Variants in IL1RAPL2 observed in about 807,000 individuals in gnomAD.
IL1RAPL2 encodes the protein X-linked interleukin-1 receptor accessory protein-like 2.
In IL1RAPL2, 3 loss-of-function variants were observed where a neutral mutation model predicts 44.1. The ratio of observed to expected loss-of-function variants is 0.07; its 90% CI spans 0.03 to 0.18. The LOEUF (loss-of-function observed/expected upper bound fraction) is 0.18. Ranked by LOEUF, IL1RAPL2 falls within the 10% of genes least tolerant of loss-of-function variation. IL1RAPL2 has a pLI of 1.00. For missense variants in IL1RAPL2, 391 were observed against 496.4 expected (o/e 0.79, Z 2.02); for synonymous variants, 181 against 178.8 (o/e 1.01, Z -0.10).
intron 5 of IL1RAPL2, among the ~76,000 whole-genome samples, chrX:105,387,480 G>T (rs113558986): frequency 1.8e-5 from 2 of 109,663 alleles, no homozygotes; most frequent in African/African-American, 3.3e-5. Flanking sequence ...TGATCCACCC[G>T]CCTCGGCCTC....
At chrX:105,368,804 A>G (rs1394929780) in intron 5 of IL1RAPL2, among the ~76,000 whole-genome samples, 2 of 110,631 alleles carry the variant, frequency 1.8e-5, no homozygotes, top group African/African-American at 6.6e-5. Context: ...TCCTTCGGGT[A>G]CACTGAAAAT....
At chrX:105,661,307 A>G (rs1035540121) in intron 6 of IL1RAPL2, among the ~76,000 whole-genome samples, 7 of 112,172 alleles carry the variant, frequency 6.2e-5, no homozygotes. Context: ...ACAGAGATAC[A>G]GCCTCATGCA....
intron 2 of IL1RAPL2, among the ~76,000 whole-genome samples, chrX:105,161,132 C>T (rs1220548659): frequency 9.1e-6 from 1 of 110,301 alleles, no homozygotes; most frequent in East Asian, 2.9e-4. Context: ...GTCTCAGCTA[C>T]TCAAGAAGCT....
chrX:105,312,992 G>A (rs1207229435), intron 5 of IL1RAPL2, among the ~76,000 whole-genome samples: 3 of 111,742 alleles, frequency 2.7e-5, no homozygotes, highest in Non-Finnish European at 3.8e-5. Flanking sequence ...AAAATAATGG[G>A]AAAGTAGAAT....
chrX:105,121,010 G>A (rs1187896506), intron 2 of IL1RAPL2, among the ~76,000 whole-genome samples: 1 of 111,413 alleles, frequency 9.0e-6, no homozygotes, highest in Non-Finnish European at 1.9e-5. Flanking sequence ...ACCATGGGAG[G>A]TGTCAAATGC....
chrX:104,634,537 G>T (rs1330997797), intron 1 of IL1RAPL2, among the ~76,000 whole-genome samples: 6 of 111,827 alleles, frequency 5.4e-5, no homozygotes, highest in Non-Finnish European at 1.1e-4. Flanking sequence ...CCTGTGCTGG[G>T]TGCATATATA....
intron 5 of IL1RAPL2, among the ~76,000 whole-genome samples, chrX:105,319,618 C>T (rs1034433472): frequency 4.5e-5 from 5 of 112,049 alleles, no homozygotes; most frequent in Non-Finnish European, 9.4e-5. Context: ...ATTTTGCATT[C>T]CCTATTTTAC....
chrX:105,068,085 T>C (rs1382895802), intron 2 of IL1RAPL2, among the ~76,000 whole-genome samples: 2 of 112,306 alleles, frequency 1.8e-5, no homozygotes. Context: ...TGTGAATGTT[T>C]ATTAATATCA....
intron 2 of IL1RAPL2, among the ~76,000 whole-genome samples, chrX:104,914,387 C>A (rs191976938): frequency 9.0e-6 from 1 of 111,118 alleles, no homozygotes; most frequent in Non-Finnish European, 1.9e-5. Context: ...AAAGGAAATG[C>A]TAAAAAAGGA....
chrX:104,919,509 G>C (rs1185961814), intron 2 of IL1RAPL2, among the ~76,000 whole-genome samples: 1 of 97,734 alleles, frequency 1.0e-5, no homozygotes, highest in African/African-American at 3.8e-5. Flanking sequence ...ACAGGTGTAA[G>C]CCACCACGCC....
chrX:104,732,245 A>T (rs1427958988), intron 2 of IL1RAPL2, among the ~76,000 whole-genome samples: 1 of 111,589 alleles, frequency 9.0e-6, no homozygotes, highest in Non-Finnish European at 1.9e-5. Flanking sequence ...AAGGAACAAG[A>T]TAGTTGATTA....
chrX:105,716,874 TAAAC>T (rs959098702), intron 6 of IL1RAPL2, among the ~76,000 whole-genome samples: 17 of 112,000 alleles, frequency 1.5e-4, no homozygotes, highest in African/African-American at 4.9e-4. Context: ...TTCTCAAAAA[TAAAC>T]AAAAAAGATA....
At chrX:105,019,306 A>G (rs1206349983) in intron 2 of IL1RAPL2, among the ~76,000 whole-genome samples, 1 of 111,733 alleles carries the variant, frequency 8.9e-6, no homozygotes, top group Non-Finnish European at 1.9e-5. Context: ...TATTGTGTGA[A>G]GTTTATGTCA....
chrX:104,936,267 TC>T (rs1282805982), intron 2 of IL1RAPL2, among the ~76,000 whole-genome samples: 1 of 111,905 alleles, frequency 8.9e-6, no homozygotes, highest in Non-Finnish European at 1.9e-5. Flanking sequence ...TATGACCCAT[TC>T]CTGGATTATG....
chrX:104,957,191 G>T (rs1473996975), intron 2 of IL1RAPL2, among the ~76,000 whole-genome samples: 2 of 112,634 alleles, frequency 1.8e-5, no homozygotes, highest in African/African-American at 6.5e-5. Context: ...GTCTAAGCCT[G>T]AAATGGTGTA....
chrX:104,724,243 C>A (rs1255572794), intron 2 of IL1RAPL2, among the ~76,000 whole-genome samples: 2 of 110,994 alleles, frequency 1.8e-5, no homozygotes, highest in Non-Finnish European at 3.8e-5. Context: ...CAGTCACTCA[C>A]AATGCGACAG....
chrX:105,444,218 A>G (rs1231795679), intron 5 of IL1RAPL2, among the ~76,000 whole-genome samples: 4 of 111,931 alleles, frequency 3.6e-5, no homozygotes, highest in Non-Finnish European at 5.6e-5. Flanking sequence ...GAGCTGTTGA[A>G]CACCTTATAT....
At chrX:105,557,045 T>C (rs1206949527) in intron 6 of IL1RAPL2, among the ~76,000 whole-genome samples, 1 of 112,114 alleles carries the variant, frequency 8.9e-6, no homozygotes, top group African/African-American at 3.2e-5. Flanking sequence ...TGATCTCTCA[T>C]ATGGAAATAA....
intron 2 of IL1RAPL2, among the ~76,000 whole-genome samples, chrX:104,811,527 C>G (rs746503737): frequency 9.1e-6 from 1 of 109,372 alleles, no homozygotes; most frequent in African/African-American, 3.3e-5. Context: ...CTTTTTTTTT[C>G]TGTTTTTGAA....
Sources: allele counts gnomAD v4.1 joint callset (sites outside exome capture counted in the v4.1 genomes callset), GRCh38; gene constraint gnomAD v4.1.1; transcripts MANE v1.5; gene names NCBI Gene and HGNC (gene_info 2026-07-23, HGNC 2026-07-21).